KSR2: variants seen among roughly 807,000 people sequenced by gnomAD.
KSR2 encodes the protein kinase suppressor of ras 2.
In KSR2, 25 loss-of-function variants were observed where a neutral mutation model predicts 107.8. The ratio of observed to expected loss-of-function variants is 0.23; its 90% CI spans 0.17 to 0.32. The LOEUF (loss-of-function observed/expected upper bound fraction) is 0.32, where lower values mean the gene tolerates loss of function less well. KSR2 is among the 10% of genes least tolerant of loss of function. The pLI is 1.00. For missense variants in KSR2, 887 were observed against 1,268.9 expected (o/e 0.70, Z 4.57); for synonymous variants, 480 against 507.0 (o/e 0.95, Z 0.71).
chr12:117,555,065 C>G, intron 9 of KSR2, 104 bp downstream of exon 9: 1 of 1,411,722 alleles, frequency 7.1e-7, no homozygotes, highest in Non-Finnish European at 9.9e-7. Flanking sequence ...CCGAGACGGG[C>G]TAGGAGGGAG....
intron 1 of KSR2, among the ~76,000 whole-genome samples, chr12:117,953,710 T>TA (rs1352598014): frequency 6.6e-6 from 1 of 152,036 alleles, no homozygotes; most frequent in Non-Finnish European, 1.5e-5. Flanking sequence ...TTTGAAACAA[T>TA]AAAAAAACTT....
rs118012069 is a variant in KSR2 at position 117,913,218 on chromosome 12, G to A, written c.181-52787C>T. On this transcript the variant is annotated intron_variant, in intron 1 of 19. Transcript: ENST00000339824. ...AATGAGTTTCTAGACCAGGACTCAGGGACCTAGTTTCTTTAGGCTGTTGTG... is the reference window on the plus strand; with the variant it reads ...AATGAGTTTCTAGACCAGGACTCAGAGACCTAGTTTCTTTAGGCTGTTGTG... Among the ~76,000 whole-genome samples the A allele has an allele frequency of 4.8e-3, 735 of 152,252 alleles. 2 individuals carry two copies. The highest frequency in any genetic ancestry group is 8.9e-3 in the Non-Finnish European group (607 of 68,012).
intron 1 of KSR2, among the ~76,000 whole-genome samples, chr12:117,866,173 A>G (rs1893464073): frequency 6.6e-6 from 1 of 151,848 alleles, no homozygotes; most frequent in South Asian, 2.1e-4. Flanking sequence ...TGTAGCTGGG[A>G]CAACAGGTAT....
chr12:117,623,320 T>G (rs1850405), intron 5 of KSR2, among the ~76,000 whole-genome samples: 136,037 of 151,756 alleles, frequency 0.9, 61,131 homozygotes, highest in East Asian at 0.99. Context: ...ACTTGTTGGT[T>G]TGCTGCACCC....
At chr12:117,778,253 GC>G (rs1276147278) in intron 3 of KSR2, among the ~76,000 whole-genome samples, 4 of 152,040 alleles carry the variant, frequency 2.6e-5, no homozygotes, top group Non-Finnish European at 4.4e-5. Context: ...ACCATGCCCA[GC>G]TAATTTTTGT....
chr12:117,581,411 C>T (rs1879657731), intron 6 of KSR2, among the ~76,000 whole-genome samples: 2 of 152,168 alleles, frequency 1.3e-5, no homozygotes, highest in African/African-American at 4.8e-5. Flanking sequence ...GGAAAGAATC[C>T]ATGAATAAGG....
At chr12:117,558,439 T>C in intron 8 of KSR2, 67 bp downstream of exon 8, 1 of 1,247,560 alleles carries the variant, frequency 8.0e-7, no homozygotes, top group South Asian at 1.2e-5. Context: ...ATGGGACAGC[T>C]ATGTGGGGGA....
chr12:117,606,958 C>G (rs996162816), intron 5 of KSR2, among the ~76,000 whole-genome samples: 7 of 152,124 alleles, frequency 4.6e-5, no homozygotes, highest in African/African-American at 1.7e-4. Flanking sequence ...ATTCTCTCTG[C>G]CCACGCAGAC....
intron 9 of KSR2, among the ~76,000 whole-genome samples, chr12:117,551,558 C>T (rs1263820565): frequency 6.6e-6 from 1 of 152,076 alleles, no homozygotes; most frequent in Non-Finnish European, 1.5e-5. Flanking sequence ...TTCCTGTTTC[C>T]AAAATCTACA....
chr12:117,855,283 G>T, intron 3 of KSR2, 145 bp downstream of exon 3: 1 of 1,024,130 alleles, frequency 9.8e-7, no homozygotes, highest in Non-Finnish European at 1.4e-6. Context: ...CCAGGTCCAC[G>T]CTGCCTCTTC....
In KSR2 at chr12:117,741,141, G is replaced by A. The variant is rs141560479; in HGVS notation, c.986+19870C>T. ...AGGGGCTTCTGCTGGCCAAATCTGGGACAATTTGAGCATCAAAATAAATAG... is the reference window on the plus strand; with the variant it reads ...AGGGGCTTCTGCTGGCCAAATCTGGAACAATTTGAGCATCAAAATAAATAG... On this transcript the variant is annotated intron_variant, in intron 4 of 19. Coordinates refer to ENST00000339824, the MANE Select transcript of KSR2 (RefSeq NM_173598.6). Among the ~76,000 whole-genome samples the A allele has an allele frequency of 5.9e-5, 9 of 152,256 alleles. No individual in the cohort carries two copies. The East Asian group carries it at 1.7e-3, about 29-fold the overall frequency.
rs566633831 is a variant in KSR2 at position 117,459,162 on chromosome 12, A to G, written c.*8037T>C. On this transcript the variant is annotated 3_prime_UTR_variant, in exon 20 of 20. Coordinates refer to ENST00000339824, the MANE Select transcript of KSR2 (RefSeq NM_173598.6). The stretch of plus-strand genomic sequence containing the variant: ...TTAGAGACAGAATCTTTCTTTCTGC[A>G]TTTTCCAAGTTCCCTAACTGAGAAG... 6.6e-6 allele frequency: 1 copy of G among 152,276 alleles called. No homozygotes were observed. The highest frequency in any genetic ancestry group is 2.4e-5 in the African/African-American group (1 of 41,550). The allele number at this position is 152,276 out of a possible 1,614,324, so 9.4% of individuals were successfully genotyped here.
rs1268437467 is a variant in KSR2 at position 117,454,104 on chromosome 12, G to A, written c.*13095C>T. 6.6e-6 allele frequency: 1 copy of A among 152,192 alleles called. No individual in the cohort carries two copies. Among genetic ancestry groups the A allele is most frequent in the Non-Finnish European group, 1.5e-5 (1 of 68,030 alleles). The allele number at this position is 152,192 out of a possible 1,614,324, so 9.4% of individuals were successfully genotyped here. ...TGTCCCCCTAGAGGTGGGATTCTGG[G>A]GGAGGTTCATTTGGGTGATTGAGAA... On this transcript the variant is annotated 3_prime_UTR_variant, in exon 20 of 20. Transcript: ENST00000339824.
At chr12:117,575,182 C>G (rs1384383406) in intron 7 of KSR2, among the ~76,000 whole-genome samples, 5 of 152,190 alleles carry the variant, frequency 3.3e-5, no homozygotes, top group Admixed American at 1.3e-4. Flanking sequence ...AGCATAGAAA[C>G]TAGGGAAGGG....
At chr12:117,672,926 G>A (rs1884974418) in intron 4 of KSR2, among the ~76,000 whole-genome samples, 1 of 152,252 alleles carries the variant, frequency 6.6e-6, no homozygotes, top group African/African-American at 2.4e-5. Context: ...ACTGCGCCTG[G>A]TGATATCCAA....
chr12:117,830,275 A>C (rs938807380), intron 3 of KSR2, among the ~76,000 whole-genome samples: 2 of 144,846 alleles, frequency 1.4e-5, no homozygotes, highest in Non-Finnish European at 3.1e-5. Context: ...TCTCAAAAAT[A>C]AAAAAAAAAA....
chr12:117,903,296 A>G (rs949562429), intron 1 of KSR2, among the ~76,000 whole-genome samples: 5 of 152,216 alleles, frequency 3.3e-5, no homozygotes, highest in Non-Finnish European at 7.3e-5. Context: ...TGGGTTACAC[A>G]GCAAAGGAAT....
intron 3 of KSR2, among the ~76,000 whole-genome samples, chr12:117,780,741 A>T (rs776752236): frequency 6.6e-6 from 1 of 152,216 alleles, no homozygotes; most frequent in Non-Finnish European, 1.5e-5. Flanking sequence ...CTGATTTTTT[A>T]ATGTTTTTAA....
chr12:117,700,786 G>A (rs973447731), intron 4 of KSR2, among the ~76,000 whole-genome samples: 4 of 152,204 alleles, frequency 2.6e-5, no homozygotes, highest in African/African-American at 9.6e-5. Flanking sequence ...AAGACAGAAA[G>A]GTTCATTCAG....
Sources: gnomAD v4.1 joint callset for allele counts (sites outside exome capture counted in the v4.1 genomes callset) on GRCh38, gnomAD v4.1.1 for gene constraint, MANE v1.5 for transcripts, NCBI Gene and HGNC (gene_info 2026-07-23, HGNC 2026-07-21) for gene names.